Variants in NRXN2 observed in about 807,000 individuals in gnomAD.
The protein encoded by NRXN2 is neurexin-2-beta.
NRXN2 carries 29 observed loss-of-function variants against 128.8 expected under a neutral mutation model. That is an observed-to-expected ratio of 0.23 (90% CI 0.17 to 0.31). The LOEUF is 0.31. NRXN2 is among the 10% of genes least tolerant of loss of function. The pLI is 1.00. For synonymous variants in NRXN2, 1,098 were observed against 1,075.2 expected (o/e 1.02, Z -0.41); for missense variants, 1,881 against 2,452.6 (o/e 0.77, Z 4.92).
chr11:64,688,866 C>A (rs1049077088), intron 5 of NRXN2: 21 of 953,274 alleles, frequency 2.2e-5, no homozygotes, highest in South Asian at 4.8e-5. Context: ...CCAGCGCCCC[C>A]CTCCGCCCTC....
At chr11:64,647,164 C>G (rs1361776645) in intron 17 of NRXN2, among the ~76,000 whole-genome samples, 1 of 151,742 alleles carries the variant, frequency 6.6e-6, no homozygotes, top group Non-Finnish European at 1.5e-5. Context: ...ATCGACTGTC[C>G]CTCTCCAGCC....
chr11:64,648,280 C>T lies in NRXN2; in HGVS notation c.3342G>A (p.Gln1114=). 6.2e-7 allele frequency: 1 copy of T among 1,614,240 alleles called. No homozygotes were observed. The highest frequency in any genetic ancestry group is 8.5e-7 in the Non-Finnish European group (1 of 1,180,040). ...SCANQGVCLQ[Q]WDGFTCDCTM... ...TGCAGTCGCAGGTGAAGCCATCCCA[C>T]TGCTGCAAGCAGACGCCCTGGTTGG... Residue 1114 remains glutamine (Q), a synonymous_variant, in exon 17 of 23, where the codon CAG becomes CAA. Transcript: ENST00000265459. This position sits in a 1 kb window ranked among gnomAD's most constrained non-coding sequence, Gnocchi z 4.1.
chr11:64,651,572 C>T lies in NRXN2; in HGVS notation c.2601G>A (p.Glu867=). The T allele has an allele frequency of 6.2e-7, 1 of 1,614,186 alleles. No homozygotes were observed. Among genetic ancestry groups the T allele is most frequent in the Non-Finnish European group, 8.5e-7 (1 of 1,180,030 alleles). Reference sequence around the variant, plus strand: ...AGGGCACCACGGAGATAAACCGCCGCTCCGTCATGATGCCCGTCTCAATGT... The same window carrying T: ...AGGGCACCACGGAGATAAACCGCCGTTCCGTCATGATGCCCGTCTCAATGT... ...FHNIETGIMT[E]RRFISVVPSN... is the part of the protein sequence containing the mutation. Residue 867 remains glutamate, a synonymous_variant, in exon 14 of 23, where the codon GAG becomes GAA. Transcript: ENST00000265459. This position sits in a 1 kb window ranked among gnomAD's most constrained non-coding sequence, Gnocchi z 5.9.
chr11:64,705,581 C>T (rs780401211), intron 2 of NRXN2, among the ~76,000 whole-genome samples: 6 of 152,018 alleles, frequency 3.9e-5, no homozygotes, highest in African/African-American at 4.8e-5. Flanking sequence ...CTCACCTTCT[C>T]CTTGGCCACT....
intron 20 of NRXN2, 83 bp downstream of exon 20, chr11:64,626,380 C>T (rs777629094): frequency 2.7e-5 from 31 of 1,149,048 alleles, no homozygotes; most frequent in Non-Finnish European, 3.6e-5. Context: ...GGTGAAGGCA[C>T]GGAGGGGGAA....
intron 3 of NRXN2, among the ~76,000 whole-genome samples, chr11:64,697,569 G>T (rs972461841): frequency 1.3e-5 from 2 of 152,116 alleles, no homozygotes; most frequent in African/African-American, 4.8e-5. Flanking sequence ...AAGAAGAAAG[G>T]CCAGTCAGCA....
At chr11:64,668,165 GGTCTTTA>G (rs985636005) in intron 8 of NRXN2, among the ~76,000 whole-genome samples, 2 of 152,318 alleles carry the variant, frequency 1.3e-5, no homozygotes, top group Admixed American at 1.3e-4. Context: ...ACTCAAGCAA[GGTCTTTA>G]GTCTTCATAC....
At position 64,713,375 on chromosome 11, in the gene NRXN2, C is replaced by T; in HGVS notation, c.325G>A (p.Asp109Asn). 6.9e-7 allele frequency: 1 copy of T among 1,446,582 alleles called. No individual in the cohort carries two copies. The highest frequency in any genetic ancestry group is 1.5e-5 in the African/African-American group (1 of 67,688). The allele number at this position is 1,446,582 out of a possible 1,614,324, so 89.6% of individuals were successfully genotyped here. ...ATLQLDTPVADDRWHMVLLTR... is the reference protein window; with the variant it reads ...ATLQLDTPVANDRWHMVLLTR... Reference sequence around the variant, plus strand: ...AGCAGCACCATGTGCCAGCGGTCGTCGGCCACCGGCGTGTCCAGCTGCAGC... The same window carrying T: ...AGCAGCACCATGTGCCAGCGGTCGTTGGCCACCGGCGTGTCCAGCTGCAGC... Residue 109 changes from aspartate (D) to asparagine (N), a missense_variant, in exon 2 of 23, where the codon GAC becomes AAC. Physicochemically the swap from Asp to Asn is conservative, Grantham distance 23. Around this residue, in one of 7 missense-constraint regions of NRXN2, gnomAD observed 997 missense variants for 1,240.8 expected, o/e 0.80. Transcript: ENST00000265459.
intron 2 of NRXN2, among the ~76,000 whole-genome samples, chr11:64,710,370 C>T (rs908574540): frequency 1.3e-5 from 2 of 152,222 alleles, no homozygotes; most frequent in African/African-American, 4.8e-5. Flanking sequence ...ATCCCTCTCA[C>T]ACAGTTACTC....
At chr11:64,662,835 A>G (rs1166430620) in intron 9 of NRXN2, among the ~76,000 whole-genome samples, 1 of 152,036 alleles carries the variant, frequency 6.6e-6, no homozygotes, top group African/African-American at 2.4e-5. Flanking sequence ...GTTGAGTTCA[A>G]TCTCTCTCCT....
At chr11:64,672,058 G>A (rs1378658513) in intron 7 of NRXN2, among the ~76,000 whole-genome samples, 1 of 152,166 alleles carries the variant, frequency 6.6e-6, no homozygotes, top group Non-Finnish European at 1.5e-5. Flanking sequence ...GCTGGCCAAG[G>A]GGAATGAGCC....
intron 9 of NRXN2, among the ~76,000 whole-genome samples, chr11:64,666,767 G>C (rs535502958): frequency 6.6e-6 from 1 of 151,804 alleles, no homozygotes; most frequent in South Asian, 2.1e-4. Context: ...GTTTCGCCGT[G>C]TTAGCCAGGA....
At chr11:64,697,033 A>G (rs773675786) in intron 3 of NRXN2, among the ~76,000 whole-genome samples, 1 of 152,182 alleles carries the variant, frequency 6.6e-6, no homozygotes, top group African/African-American at 2.4e-5. Flanking sequence ...AAGGAGGTAA[A>G]GACAGAAACT....
intron 17 of NRXN2, chr11:64,642,581 T>C (rs770735795): frequency 6.2e-7 from 1 of 1,610,834 alleles, no homozygotes; most frequent in South Asian, 1.1e-5. Flanking sequence ...TTGATGGCGA[T>C]GGGCACGGTG....
intron 2 of NRXN2, among the ~76,000 whole-genome samples, chr11:64,703,980 A>G (rs1018774197): frequency 6.6e-5 from 10 of 152,220 alleles, no homozygotes; most frequent in African/African-American, 2.4e-4. Context: ...ATGGCAGCCT[A>G]TGCTCTTACC....
chr11:64,695,748 C>G (rs527852073), intron 3 of NRXN2, among the ~76,000 whole-genome samples: 1 of 151,578 alleles, frequency 6.6e-6, no homozygotes, highest in Non-Finnish European at 1.5e-5. Flanking sequence ...ACACACACAG[C>G]CTCCAATACA....
At chr11:64,699,059 A>G (rs1270747712) in intron 2 of NRXN2, among the ~76,000 whole-genome samples, 1 of 152,084 alleles carries the variant, frequency 6.6e-6, no homozygotes, top group Non-Finnish European at 1.5e-5. Context: ...CCTACCTCCA[A>G]CCCCATTTGG....
chr11:64,649,529 C>A (rs568974676), intron 15 of NRXN2, among the ~76,000 whole-genome samples: 2 of 152,358 alleles, frequency 1.3e-5, no homozygotes, highest in African/African-American at 4.8e-5. Flanking sequence ...GGGCTCAGTA[C>A]AACACAAGAC....
At position 64,635,176 on chromosome 11, in the gene NRXN2, G is replaced by T. The variant is rs1297604928; in HGVS notation, c.3585+95C>A. The T allele has an allele frequency of 1.1e-5, 16 of 1,409,950 alleles. No homozygotes were observed. The highest frequency in any genetic ancestry group is 1.6e-5 in the Non-Finnish European group (16 of 999,950). 87.3% of individuals were successfully genotyped at this position (1,409,950 alleles called of 1,614,324 possible). A position where few individuals can be genotyped will look rare whatever the true frequency, so the allele number is the denominator to read the frequency against. ...GAGGTTCTGAGGGTTCCCCATGAGG[G>T]AAGACTTGAGGTGCTGATCCCATGG... On this transcript the variant is annotated intron_variant, in intron 18 of 22. Coordinates refer to ENST00000265459, the MANE Select transcript of NRXN2 (RefSeq NM_015080.4). The surrounding 1 kb of genome is among the most constrained non-coding windows in gnomAD (Gnocchi z 4.8).
Sources: gnomAD v4.1 joint callset for allele counts (sites outside exome capture counted in the v4.1 genomes callset) on GRCh38, gnomAD v4.1.1 for gene constraint, gnomAD v4.1.1 regional missense constraint, Gnocchi (gnomAD v3.1) non-coding constraint, MANE v1.5 for transcripts, NCBI Gene and HGNC (gene_info 2026-07-23, HGNC 2026-07-21) for gene names.